The following RBFOX1 variants were observed in gnomAD, a reference collection of about 807,000 sequenced individuals.
The protein encoded by RBFOX1 is RNA binding fox-1 homolog 1.
RBFOX1 carries 8 observed loss-of-function variants against 57.7 expected under a neutral mutation model. The ratio of observed to expected loss-of-function variants is 0.14; its 90% CI spans 0.08 to 0.25. The LOEUF is 0.25. RBFOX1 is among the 10% of genes least tolerant of loss of function. RBFOX1 has a pLI of 1.00. For missense variants in RBFOX1, 611 were observed against 548.5 expected (o/e 1.11, Z -1.14); for synonymous variants, 326 against 222.4 (o/e 1.47, Z -4.15).
At chr16:7,671,517 A>T (rs755626273) in intron 13 of RBFOX1, 23 of 1,547,612 alleles carry the variant, frequency 1.5e-5, no homozygotes, top group Non-Finnish European at 2.0e-5. Flanking sequence ...TATTTATTTC[A>T]TTTTTGCATT....
chr16:5,898,051 A>T (rs2058210225), intron 4 of RBFOX1, among the ~76,000 whole-genome samples: 1 of 152,074 alleles, frequency 6.6e-6, no homozygotes, highest in Admixed American at 6.6e-5. Flanking sequence ...GTTCTTCTTG[A>T]CTGGGTAGGC....
chr16:6,944,543 A>T (rs1031338256), intron 3 of RBFOX1, among the ~76,000 whole-genome samples: 1 of 152,252 alleles, frequency 6.6e-6, no homozygotes, highest in African/African-American at 2.4e-5. Flanking sequence ...ACGATCTGGT[A>T]TATTTTGTAG....
At chr16:7,055,195 A>G (rs551449888) in intron 4 of RBFOX1, among the ~76,000 whole-genome samples, 16 of 152,338 alleles carry the variant, frequency 1.1e-4, no homozygotes, top group African/African-American at 3.8e-4. Flanking sequence ...CAAAAATGAA[A>G]TACAAAGAGT....
chr16:5,418,625 C>A (rs954180339), intron 1 of RBFOX1, among the ~76,000 whole-genome samples: 1 of 152,036 alleles, frequency 6.6e-6, no homozygotes, highest in Admixed American at 6.6e-5. Flanking sequence ...GACTTCCTAA[C>A]CACCCCGCCA....
chr16:6,440,005 C>G (rs1377498390), intron 2 of RBFOX1, among the ~76,000 whole-genome samples: 2 of 87,628 alleles, frequency 2.3e-5, no homozygotes, highest in Non-Finnish European at 4.7e-5. Flanking sequence ...TGGAGTGCCT[C>G]AGCTCACTGC....
intron 6 of RBFOX1, among the ~76,000 whole-genome samples, chr16:7,586,911 T>C (rs1418595395): frequency 6.6e-6 from 1 of 152,226 alleles, no homozygotes; most frequent in Non-Finnish European, 1.5e-5. Context: ...TTTAGTGGGA[T>C]AGACCAGAAG....
intron 3 of RBFOX1, among the ~76,000 whole-genome samples, chr16:7,002,027 C>T (rs190554891): frequency 2.0e-5 from 3 of 152,002 alleles, no homozygotes; most frequent in Non-Finnish European, 2.9e-5. Flanking sequence ...ATAGTTGATT[C>T]AGGGATGGGC....
At chr16:6,761,979 C>G (rs1459137746) in intron 3 of RBFOX1, among the ~76,000 whole-genome samples, 2 of 152,100 alleles carry the variant, frequency 1.3e-5, no homozygotes, top group African/African-American at 2.4e-5. Flanking sequence ...CTTATGCCTG[C>G]CTTCTCACGT....
At chr16:5,710,879 G>GGTCCTCTTT (rs1164192475) in intron 3 of RBFOX1, among the ~76,000 whole-genome samples, 1 of 152,176 alleles carries the variant, frequency 6.6e-6, no homozygotes, top group African/African-American at 2.4e-5. Context: ...AGGGATGACG[G>GGTCCTCTTT]GTCCTCTTTG....
chr16:6,967,106 C>G (rs1454430251), intron 3 of RBFOX1, among the ~76,000 whole-genome samples: 1 of 152,162 alleles, frequency 6.6e-6, no homozygotes, highest in East Asian at 1.9e-4. Context: ...TGTCTATACA[C>G]TCATTCATCC....
At chr16:7,599,764 C>A (rs1287815996) in intron 9 of RBFOX1, among the ~76,000 whole-genome samples, 1 of 148,946 alleles carries the variant, frequency 6.7e-6, no homozygotes, top group Non-Finnish European at 1.5e-5. Context: ...TCCCTGGTAG[C>A]TGGGACTACA....
chr16:7,602,965 C>G (rs985380216), intron 9 of RBFOX1, among the ~76,000 whole-genome samples: 1 of 152,142 alleles, frequency 6.6e-6, no homozygotes, highest in African/African-American at 2.4e-5. Context: ...CATGGAAATT[C>G]AACAGTGTGC....
At position 6,859,153 on chromosome 16, in the gene RBFOX1, G is replaced by GTATA. The variant is rs549747996; in HGVS notation, c.-15-192897_-15-192894dup. On this transcript the variant is annotated intron_variant, in intron 3 of 15. Transcript: ENST00000550418. The stretch of plus-strand genomic sequence containing the variant: ...TACATATATATACGTATATATATAT[G>GTATA]TATATATATACGTATATATATGTAT... Among the ~76,000 whole-genome samples, 12 of 81,442 alleles carry GTATA rather than the reference G, an allele frequency of 1.5e-4. 1 individual carries two copies. The South Asian group carries it at 3.3e-3, about 23-fold the overall frequency. 53.4% of individuals were successfully genotyped at this position (81,442 alleles called of 152,430 possible). A position where few individuals can be genotyped will look rare whatever the true frequency, so the allele number is the denominator to read the frequency against.
At chr16:7,661,633 T>C (rs2067760866) in intron 12 of RBFOX1, among the ~76,000 whole-genome samples, 3 of 152,232 alleles carry the variant, frequency 2.0e-5, no homozygotes, top group Admixed American at 2.0e-4. Flanking sequence ...TGTGACTGTG[T>C]GTCCCACTTC....
chr16:7,120,565 C>A (rs1267020502), intron 4 of RBFOX1, among the ~76,000 whole-genome samples: 1 of 151,628 alleles, frequency 6.6e-6, no homozygotes, highest in African/African-American at 2.4e-5. Flanking sequence ...ACAACCATTA[C>A]CAAAACTTAT....
intron 1 of RBFOX1, among the ~76,000 whole-genome samples, chr16:5,409,181 A>T (rs1567465372): frequency 6.6e-6 from 1 of 152,192 alleles, no homozygotes; most frequent in African/African-American, 2.4e-5. Flanking sequence ...CACCACAGCG[A>T]TGTGTGGCAG....
chr16:7,273,516 A>G (rs997700571), intron 4 of RBFOX1, among the ~76,000 whole-genome samples: 2 of 152,102 alleles, frequency 1.3e-5, no homozygotes, highest in Middle Eastern at 3.2e-3. Context: ...CAGCTTTAGC[A>G]TATATAAGCT....
chr16:7,011,607 G>T (rs534841858), intron 3 of RBFOX1, among the ~76,000 whole-genome samples: 1 of 152,106 alleles, frequency 6.6e-6, no homozygotes, highest in Non-Finnish European at 1.5e-5. Context: ...TCCGCATCCC[G>T]GGTTCACGCC....
chr16:6,251,475 A>G (rs1443979969), intron 1 of RBFOX1, among the ~76,000 whole-genome samples: 4 of 152,164 alleles, frequency 2.6e-5, no homozygotes, highest in African/African-American at 9.7e-5. Flanking sequence ...TTTTCATTGC[A>G]GCAGCCTAAG....
Sources: allele counts gnomAD v4.1 joint callset (sites outside exome capture counted in the v4.1 genomes callset), GRCh38; gene constraint gnomAD v4.1.1; transcripts MANE v1.5; gene names NCBI Gene and HGNC (gene_info 2026-07-23, HGNC 2026-07-21).